Variants in AFAP1 observed in about 807,000 individuals in gnomAD.
AFAP1 encodes the protein actin filament-associated protein 1.
Under a neutral mutation model 93.9 loss-of-function variants are expected in AFAP1, and 75 were observed. That is an observed-to-expected ratio of 0.80 (90% CI 0.66 to 0.97). The LOEUF is 0.97. AFAP1 is among the 50% of genes least tolerant of loss of function. The pLI is 0.00. For missense variants in AFAP1, 1,201 were observed against 1,050.8 expected, an observed-to-expected ratio of 1.14 and a Z score of -1.98; for synonymous variants, 517 against 430.7, an observed-to-expected ratio of 1.20 and a Z score of -2.48.
chr4:7,767,550 A>G (rs1434476816), intron 17 of AFAP1, among the ~76,000 whole-genome samples: 2 of 152,130 alleles, frequency 1.3e-5, no homozygotes, highest in Non-Finnish European at 2.9e-5. Flanking sequence ...AAACACTAAG[A>G]AAAGCAATGG....
intron 6 of AFAP1, among the ~76,000 whole-genome samples, chr4:7,834,126 C>CACACACAT (rs1711985165): frequency 2.3e-5 from 3 of 130,344 alleles, no homozygotes; most frequent in Admixed American, 1.6e-4. Flanking sequence ...CACACACACA[C>CACACACAT]ACATATATAC....
intron 1 of AFAP1, among the ~76,000 whole-genome samples, chr4:7,938,286 T>C (rs1183089292): frequency 2.0e-5 from 3 of 152,218 alleles, no homozygotes; most frequent in African/African-American, 7.2e-5. Context: ...GCCTGTTACT[T>C]AAACACCATC....
intron 12 of AFAP1, among the ~76,000 whole-genome samples, chr4:7,784,491 C>T (rs1717080568): frequency 6.6e-6 from 1 of 152,176 alleles, no homozygotes; most frequent in Admixed American, 6.5e-5. Flanking sequence ...CAGAGTCTGG[C>T]CACTGGGAGA....
chr4:7,823,351 G>A (rs912752585), intron 6 of AFAP1, among the ~76,000 whole-genome samples: 2 of 152,128 alleles, frequency 1.3e-5, no homozygotes, highest in Non-Finnish European at 2.9e-5. Context: ...AGAAACGTAG[G>A]CCATCACTAA....
In AFAP1 at chr4:7,939,519, C is replaced by T. The variant is rs1346373607; in HGVS notation, c.-3+137G>A. Reference sequence around the variant, plus strand: ...GCGGCGTCGCAGCAGGCGCGGAGCCCCCGGTACCACCCGAGGCCGAGACAA... The same window carrying T: ...GCGGCGTCGCAGCAGGCGCGGAGCCTCCGGTACCACCCGAGGCCGAGACAA... On this transcript the variant is annotated intron_variant, in intron 1 of 17. Transcript: ENST00000420658. This position sits in a 1 kb window ranked among gnomAD's most constrained non-coding sequence, Gnocchi z 5.6. 1 of 352,122 alleles carries T rather than the reference C, an allele frequency of 2.8e-6. No individual in the cohort carries two copies. The highest frequency in any genetic ancestry group is 5.5e-6 in the Non-Finnish European group (1 of 180,408). 21.8% of individuals were successfully genotyped at this position (352,122 alleles called of 1,614,324 possible). A position where few individuals can be genotyped will look rare whatever the true frequency, so the allele number is the denominator to read the frequency against.
At chr4:7,797,083 A>ATAG (rs1387072762) in intron 10 of AFAP1, among the ~76,000 whole-genome samples, 1 of 151,788 alleles carries the variant, frequency 6.6e-6, no homozygotes, top group African/African-American at 2.4e-5. Flanking sequence ...AATAATAATA[A>ATAG]TCTATGAATT....
intron 11 of AFAP1, among the ~76,000 whole-genome samples, chr4:7,787,950 G>C (rs973811138): frequency 2.1e-5 from 3 of 145,760 alleles, no homozygotes; most frequent in Non-Finnish European, 4.5e-5. Context: ...GTCTCCGCGT[G>C]GGTGCTGCCC....
chr4:7,855,722 G>A (rs543515083), intron 3 of AFAP1, 148 bp from the exon 4 acceptor site: 4 of 697,332 alleles, frequency 5.7e-6, no homozygotes, highest in East Asian at 2.7e-5. Context: ...AAGAGGCTTG[G>A]AAGGCCAGCC....
chr4:7,916,456 C>T (rs1402763871), intron 1 of AFAP1, among the ~76,000 whole-genome samples: 2 of 152,182 alleles, frequency 1.3e-5, no homozygotes, highest in Non-Finnish European at 2.9e-5. Context: ...CTGCTCTAAA[C>T]CCTGTGGCTC....
Position 7,781,375 on chromosome 4 carries a change from C to T in AFAP1, c.1782+1G>A. On this transcript the variant is annotated splice_donor_variant, in intron 13 of 17. Transcript: ENST00000420658. LOFTEE classifies it high-confidence loss of function. ...GAATCTTACAGAAGAAGATGCCGTA[C>T]CTGCGAGTTGAGCCCGAGAGACGCC... 3 of 1,551,248 alleles carry T rather than the reference C, an allele frequency of 1.9e-6. No homozygotes were observed. Among genetic ancestry groups the T allele is most frequent in the Admixed American group, 2.0e-5 (1 of 50,988 alleles).
At chr4:7,824,481 T>C (rs1258895478) in intron 6 of AFAP1, among the ~76,000 whole-genome samples, 3 of 151,872 alleles carry the variant, frequency 2.0e-5, no homozygotes, top group African/African-American at 7.3e-5. Context: ...CCACTAGTAA[T>C]GGAAATTGGA....
chr4:7,878,974 A>G (rs940109512), intron 1 of AFAP1, among the ~76,000 whole-genome samples: 3 of 152,204 alleles, frequency 2.0e-5, no homozygotes, highest in African/African-American at 7.2e-5. Flanking sequence ...AGGACAGGCT[A>G]GCTACACAAG....
At chr4:7,903,400 C>T (rs972609761) in intron 1 of AFAP1, among the ~76,000 whole-genome samples, 2 of 152,246 alleles carry the variant, frequency 1.3e-5, no homozygotes, top group East Asian at 3.8e-4. Flanking sequence ...GAAACAGCGA[C>T]CAGGCGCGGT....
intron 10 of AFAP1, among the ~76,000 whole-genome samples, chr4:7,795,416 T>A (rs1385366146): frequency 2.5e-5 from 1 of 40,318 alleles, no homozygotes; most frequent in South Asian, 1.2e-3. Flanking sequence ...TTTTTTTTTT[T>A]TTTTTTTTTT....
chr4:7,854,392 C>T (rs539850090), intron 4 of AFAP1, among the ~76,000 whole-genome samples: 7 of 152,302 alleles, frequency 4.6e-5, no homozygotes, highest in East Asian at 1.9e-4. Flanking sequence ...CTCAGGGGCA[C>T]GCAGTCCAGC....
chr4:7,857,550 C>T (rs568214122), intron 3 of AFAP1, among the ~76,000 whole-genome samples: 9 of 152,272 alleles, frequency 5.9e-5, no homozygotes, highest in Non-Finnish European at 8.8e-5. Flanking sequence ...TAGGCTGGAC[C>T]ATCTCCAGGT....
intron 1 of AFAP1, among the ~76,000 whole-genome samples, chr4:7,936,372 C>T (rs1721380173): frequency 6.7e-6 from 1 of 150,214 alleles, no homozygotes; most frequent in Admixed American, 6.6e-5. Flanking sequence ...GTCACCCAGA[C>T]TGGAGTGCAG....
chr4:7,783,765 T>C (rs888549321), intron 12 of AFAP1, among the ~76,000 whole-genome samples: 1 of 152,188 alleles, frequency 6.6e-6, no homozygotes, highest in Non-Finnish European at 1.5e-5. Flanking sequence ...ATCACGTGTG[T>C]GGTTCCACAG....
At chr4:7,863,143 C>T (rs1347947685) in intron 3 of AFAP1, among the ~76,000 whole-genome samples, 3 of 152,238 alleles carry the variant, frequency 2.0e-5, no homozygotes, top group East Asian at 1.9e-4. Context: ...AAGCCAGGCG[C>T]GGTGGCTCAC....
Sources: allele counts gnomAD v4.1 joint callset (sites outside exome capture counted in the v4.1 genomes callset), GRCh38; gene constraint gnomAD v4.1.1; non-coding constraint Gnocchi (gnomAD v3.1); transcripts MANE v1.5; gene names NCBI Gene and HGNC (gene_info 2026-07-23, HGNC 2026-07-21).